Variants in CLYBL observed in about 807,000 individuals in gnomAD.
CLYBL encodes the protein citramalyl-CoA lyase, also known as citramalyl-CoA lyase, mitochondrial.
In CLYBL, 31 loss-of-function variants were observed where a neutral mutation model predicts 38.9. The observed-to-expected ratio is 0.80, with a 90% CI of 0.60 to 1.08. The LOEUF (loss-of-function observed/expected upper bound fraction) is 1.08, where lower values mean the gene tolerates loss of function less well. Among genes scored for constraint, CLYBL ranks in the 50% least tolerant of loss-of-function variants. The pLI, the probability that CLYBL is intolerant of heterozygous loss-of-function variation, is 0.00. For synonymous variants in CLYBL, 171 were observed against 158.6 expected, an observed-to-expected ratio of 1.08 and a Z score of -0.59; for missense variants, 434 against 411.6, an observed-to-expected ratio of 1.05 and a Z score of -0.47.
intron 2 of CLYBL, among the ~76,000 whole-genome samples, chr13:99,828,441 C>A (rs1176891645): frequency 1.3e-5 from 2 of 152,210 alleles, no homozygotes; most frequent in South Asian, 2.1e-4. Context: ...GGCCTCTCAT[C>A]AAATTGCATG....
At chr13:99,645,371 G>C (rs9557272) in intron 1 of CLYBL, among the ~76,000 whole-genome samples, 45,642 of 151,650 alleles carry the variant, frequency 0.3, 7,248 homozygotes, top group East Asian at 0.57. Context: ...GGTGGCGGGT[G>C]CCTGTAGTCC....
At chr13:99,697,732 C>T (rs1464700483) in intron 1 of CLYBL, among the ~76,000 whole-genome samples, 5 of 149,862 alleles carry the variant, frequency 3.3e-5, no homozygotes, top group African/African-American at 9.9e-5. Context: ...CTGCAACCTC[C>T]GCCTCCTGGG....
At chr13:99,828,595 G>A (rs1452619817) in intron 2 of CLYBL, among the ~76,000 whole-genome samples, 1 of 152,160 alleles carries the variant, frequency 6.6e-6, no homozygotes, top group Non-Finnish European at 1.5e-5. Context: ...GATGTTCTCA[G>A]TGGGGAGCAG....
intron 2 of CLYBL, among the ~76,000 whole-genome samples, chr13:99,810,735 C>T (rs998467650): frequency 2.6e-5 from 4 of 151,786 alleles, no homozygotes; most frequent in Non-Finnish European, 5.9e-5. Context: ...CAGGTGTGGA[C>T]GGGGAGGCCA....
At chr13:99,734,413 A>C (rs1566306302) in intron 1 of CLYBL, among the ~76,000 whole-genome samples, 2 of 152,154 alleles carry the variant, frequency 1.3e-5, no homozygotes, top group Non-Finnish European at 2.9e-5. Flanking sequence ...TAAAAAAAAA[A>C]AACAAAACGG....
At chr13:99,887,440 G>A (rs905643898) in intron 7 of CLYBL, among the ~76,000 whole-genome samples, 8 of 152,224 alleles carry the variant, frequency 5.3e-5, no homozygotes, top group Non-Finnish European at 7.3e-5. Context: ...GTTATTAAAA[G>A]GGGATGAGTA....
intron 1 of CLYBL, among the ~76,000 whole-genome samples, chr13:99,637,912 A>G (rs938547361): frequency 6.6e-6 from 1 of 150,662 alleles, no homozygotes; most frequent in African/African-American, 2.4e-5. Context: ...TTTGCATACA[A>G]AGAAGCCAGT....
intron 1 of CLYBL, among the ~76,000 whole-genome samples, chr13:99,715,925 A>C (rs758677142): frequency 6.6e-6 from 1 of 152,096 alleles, no homozygotes; most frequent in Non-Finnish European, 1.5e-5. Context: ...CTGTGGATTT[A>C]TACTCCTCCC....
chr13:99,697,661 C>CTTTT (rs1345788134), intron 1 of CLYBL, among the ~76,000 whole-genome samples: 2 of 135,658 alleles, frequency 1.5e-5, no homozygotes, highest in Admixed American at 7.4e-5. Context: ...TTCTTTCTTT[C>CTTTT]TTTTTTTTTT....
intron 1 of CLYBL, among the ~76,000 whole-genome samples, chr13:99,671,622 A>G (rs1008496984): frequency 5.9e-5 from 9 of 152,074 alleles, no homozygotes; most frequent in East Asian, 1.9e-4. Flanking sequence ...TCTACTAAAA[A>G]TACAAAAATT....
chr13:99,727,321 A>G (rs1345964910), intron 1 of CLYBL: 1 of 152,074 alleles, frequency 6.6e-6, no homozygotes, highest in Non-Finnish European at 1.5e-5. Context: ...TTTCCACAGA[A>G]TTGGCGTGGT....
intron 1 of CLYBL, among the ~76,000 whole-genome samples, chr13:99,641,184 A>C (rs1174417560): frequency 6.6e-6 from 1 of 152,214 alleles, no homozygotes; most frequent in African/African-American, 2.4e-5. Flanking sequence ...TAGTTGATAC[A>C]ACCTCAATGA....
At chr13:99,898,584 C>T (rs576748287), downstream of CLYBL, among the ~76,000 whole-genome samples, 5 of 152,334 alleles carry the variant, frequency 3.3e-5, no homozygotes, top group South Asian at 8.3e-4. Flanking sequence ...CCAGCTACTG[C>T]CTGCCCCCGC....
intron 1 of CLYBL, among the ~76,000 whole-genome samples, chr13:99,709,906 T>C (rs2048201550): frequency 6.8e-6 from 1 of 147,920 alleles, no homozygotes; most frequent in South Asian, 2.1e-4. Context: ...CCCTACCTTT[T>C]TTTTTTTTCT....
At chr13:99,773,658 G>A (rs960202330) in intron 2 of CLYBL, among the ~76,000 whole-genome samples, 3 of 152,154 alleles carry the variant, frequency 2.0e-5, no homozygotes, top group Admixed American at 6.5e-5. Flanking sequence ...AAAGGTTGGG[G>A]ACCACTGAAT....
intron 2 of CLYBL, among the ~76,000 whole-genome samples, chr13:99,833,683 C>CTT (rs35378080): frequency 0.019 from 1,068 of 56,114 alleles, 266 homozygotes; most frequent in Middle Eastern, 0.041. Flanking sequence ...TACCGTGTTG[C>CTT]TTTTTTTTTT....
chr13:99,830,358 G>A (rs1373197021), intron 2 of CLYBL, among the ~76,000 whole-genome samples: 1 of 152,186 alleles, frequency 6.6e-6, no homozygotes, highest in African/African-American at 2.4e-5. Flanking sequence ...ACAACACAAC[G>A]GGAAGGACAG....
chr13:99,786,933 T>G (rs2049808227), intron 2 of CLYBL, among the ~76,000 whole-genome samples: 1 of 152,086 alleles, frequency 6.6e-6, no homozygotes, highest in Non-Finnish European at 1.5e-5. Flanking sequence ...ATTGTGGTTT[T>G]GATTTGCATT....
chr13:99,897,948 AG>A (rs1361983422), downstream of CLYBL, among the ~76,000 whole-genome samples: 3 of 147,152 alleles, frequency 2.0e-5, no homozygotes, highest in African/African-American at 2.5e-5. Flanking sequence ...CTCAAAAAAA[AG>A]AAAGAAAGAA....
Sources: allele counts gnomAD v4.1 joint callset (sites outside exome capture counted in the v4.1 genomes callset), GRCh38; gene constraint gnomAD v4.1.1; transcripts MANE v1.5; gene names NCBI Gene and HGNC (gene_info 2026-07-23, HGNC 2026-07-21).